The following ARID1B variants were observed in gnomAD, a reference collection of about 807,000 sequenced individuals.
ARID1B encodes the protein AT-rich interaction domain 1B.
ARID1B carries 30 observed loss-of-function variants against 212.3 expected under a neutral mutation model. The ratio of observed to expected loss-of-function variants is 0.14; its 90% CI spans 0.11 to 0.19. The LOEUF is 0.19. Among genes scored for constraint, ARID1B ranks in the 10% least tolerant of loss-of-function variants. ARID1B has a pLI of 1.00. For synonymous variants in ARID1B, 1,402 were observed against 1,301.7 expected (o/e 1.08, Z -1.66); for missense variants, 2,891 against 3,204.0 (o/e 0.90, Z 2.36).
intron 1 of ARID1B, among the ~76,000 whole-genome samples, chr6:156,790,802 T>C (rs1019727717): frequency 6.6e-6 from 1 of 152,214 alleles, no homozygotes; most frequent in Non-Finnish European, 1.5e-5. Flanking sequence ...GTCTATTGTA[T>C]ATGGCAAGAC....
At chr6:156,982,257 T>TA (rs1777650284) in intron 4 of ARID1B, among the ~76,000 whole-genome samples, 1 of 152,162 alleles carries the variant, frequency 6.6e-6, no homozygotes, top group Admixed American at 6.6e-5. Context: ...CTCTAAGAAT[T>TA]AAAAGATAAA....
chr6:156,971,372 A>G (rs919253050), intron 4 of ARID1B, among the ~76,000 whole-genome samples: 4 of 152,218 alleles, frequency 2.6e-5, no homozygotes, highest in Non-Finnish European at 5.9e-5. Flanking sequence ...TATCTTTAAA[A>G]TGGGCATAAT....
chr6:157,157,814 G>A (rs990067803), intron 8 of ARID1B, among the ~76,000 whole-genome samples: 3 of 152,216 alleles, frequency 2.0e-5, no homozygotes, highest in African/African-American at 4.8e-5. Flanking sequence ...CTTGAGGCCA[G>A]GAGTTCACAA....
At chr6:156,964,170 C>G (rs919683198) in intron 4 of ARID1B, among the ~76,000 whole-genome samples, 1 of 152,218 alleles carries the variant, frequency 6.6e-6, no homozygotes, top group Non-Finnish European at 1.5e-5. Context: ...ATCTTGCAAC[C>G]TTTGGCTTGT....
intron 5 of ARID1B, among the ~76,000 whole-genome samples, chr6:157,097,476 A>G (rs1785722361): frequency 6.6e-6 from 1 of 151,892 alleles, no homozygotes; most frequent in Admixed American, 6.6e-5. Context: ...TACAGGGCAC[A>G]GCAAGCGCTC....
At chr6:157,090,170 G>A (rs1785189492) in intron 5 of ARID1B, among the ~76,000 whole-genome samples, 5 of 152,150 alleles carry the variant, frequency 3.3e-5, no homozygotes. Flanking sequence ...TATTTTATTG[G>A]CCAGAGGCTT....
At chr6:157,107,472 C>T (rs1189460200) in intron 5 of ARID1B, among the ~76,000 whole-genome samples, 1 of 152,020 alleles carries the variant, frequency 6.6e-6, no homozygotes, top group African/African-American at 2.4e-5. Context: ...AATAAAAATA[C>T]GTTTTTAAGA....
intron 4 of ARID1B, among the ~76,000 whole-genome samples, chr6:157,008,100 C>T (rs1451127704): frequency 1.3e-5 from 2 of 151,916 alleles, no homozygotes. Flanking sequence ...CCTTTTCTTA[C>T]TTTCCCTCTC....
chr6:157,046,965 C>A (rs1782280773), intron 4 of ARID1B, among the ~76,000 whole-genome samples: 1 of 152,066 alleles, frequency 6.6e-6, no homozygotes, highest in Admixed American at 6.5e-5. Flanking sequence ...TGCTGCTTCC[C>A]AGGCCTGTGT....
chr6:157,015,022 T>A (rs1779835179), intron 4 of ARID1B, among the ~76,000 whole-genome samples: 1 of 152,214 alleles, frequency 6.6e-6, no homozygotes, highest in South Asian at 2.1e-4. Context: ...CTCGAGGGCA[T>A]CAGACTGGGA....
chr6:156,846,569 G>C (rs983407566), intron 2 of ARID1B, among the ~76,000 whole-genome samples: 1 of 152,160 alleles, frequency 6.6e-6, no homozygotes, highest in South Asian at 2.1e-4. Context: ...GGCTGCGGTG[G>C]TGGGGAGAGG....
At chr6:156,893,113 G>T (rs1485927168) in intron 2 of ARID1B, among the ~76,000 whole-genome samples, 33 of 141,946 alleles carry the variant, frequency 2.3e-4, no homozygotes, top group Non-Finnish European at 9.0e-5. Context: ...TGCAATCTTG[G>T]CTCACTGCAG....
rs6932931 is a variant in ARID1B at position 156,976,762 on chromosome 6, A to C, written c.2247+41186A>C. 2.0e-3 allele frequency: 1,074 copies of C among 528,138 alleles called. 8 individuals are homozygous for C. Among genetic ancestry groups the C allele is most frequent in the African/African-American group, 0.019 (991 of 52,170 alleles). 32.7% of individuals were successfully genotyped at this position (528,138 alleles called of 1,614,324 possible). A position where few individuals can be genotyped will look rare whatever the true frequency, so the allele number is the denominator to read the frequency against. The stretch of plus-strand genomic sequence containing the variant: ...ACCGTGAAGGTCCGCAGCTTCATTC[A>C]TCAAAGTTAGCGAGACCACAAACCC... On this transcript the variant is annotated intron_variant, in intron 4 of 19. Coordinates refer to ENST00000636930, the MANE Select transcript of ARID1B (RefSeq NM_001374828.1).
intron 4 of ARID1B, among the ~76,000 whole-genome samples, chr6:157,029,164 A>G (rs140913203): frequency 0.019 from 2,918 of 152,356 alleles, 105 homozygotes; most frequent in African/African-American, 0.067. Flanking sequence ...TCAAATGCAT[A>G]TATATGTATT....
At chr6:157,011,690 A>G (rs574938987) in intron 4 of ARID1B, among the ~76,000 whole-genome samples, 1 of 152,222 alleles carries the variant, frequency 6.6e-6, no homozygotes, top group Non-Finnish European at 1.5e-5. Flanking sequence ...TAATGTGAAT[A>G]TTATCAGAGG....
chr6:156,785,827 A>G (rs1286996164), intron 1 of ARID1B, among the ~76,000 whole-genome samples: 4 of 152,168 alleles, frequency 2.6e-5, no homozygotes, highest in Non-Finnish European at 5.9e-5. Context: ...CAGGATGCTA[A>G]TGGTTTTTTT....
At chr6:156,920,064 G>C (rs902111180) in intron 3 of ARID1B, among the ~76,000 whole-genome samples, 6 of 152,212 alleles carry the variant, frequency 3.9e-5, no homozygotes, top group East Asian at 1.9e-4. Flanking sequence ...CTAGTTTTTA[G>C]TCCTAGTTCC....
chr6:156,873,039 G>C (rs917595279), intron 2 of ARID1B, among the ~76,000 whole-genome samples: 1 of 143,470 alleles, frequency 7.0e-6, no homozygotes, highest in African/African-American at 2.6e-5. Flanking sequence ...CAGCGAGGCA[G>C]TGACCACCTG....
At chr6:157,174,270 T>G in intron 10 of ARID1B, 153 bp downstream of exon 10, 1 of 630,394 alleles carries the variant, frequency 1.6e-6, no homozygotes, top group South Asian at 2.0e-5. Flanking sequence ...TCTTCTTTTC[T>G]TTCCCCAGCC....
Sources: allele counts gnomAD v4.1 joint callset (sites outside exome capture counted in the v4.1 genomes callset), GRCh38; gene constraint gnomAD v4.1.1; transcripts MANE v1.5; gene names NCBI Gene and HGNC (gene_info 2026-07-23, HGNC 2026-07-21).